The following PHF20 variants were observed in gnomAD, a reference collection of about 807,000 sequenced individuals.
PHF20 encodes PHD finger protein 20.
A neutral mutation model predicts 113.5 loss-of-function variants in PHF20; 23 were observed. That is an observed-to-expected ratio of 0.20 (90% CI 0.15 to 0.29). The LOEUF is 0.29. Ranked by LOEUF, PHF20 falls within the 10% of genes least tolerant of loss-of-function variation. The pLI is 1.00. For missense variants in PHF20, 943 were observed against 1,219.6 expected (o/e 0.77, Z 3.38); for synonymous variants, 434 against 457.3 (o/e 0.95, Z 0.65).
At chr20:35,777,082 T>G (rs950315791) in intron 1 of PHF20, among the ~76,000 whole-genome samples, 5 of 152,186 alleles carry the variant, frequency 3.3e-5, no homozygotes, top group African/African-American at 4.8e-5. Context: ...TTCCATGTCT[T>G]CTTCCAGTTC....
chr20:35,772,181 T>C (rs2041069045), intron 1 of PHF20, 102 bp downstream of exon 1: 1 of 150,674 alleles, frequency 6.6e-6, no homozygotes. Context: ...ACGCCACCGC[T>C]GCTTCGGTCC....
At chr20:35,940,187 G>A (rs566216941) in intron 16 of PHF20, among the ~76,000 whole-genome samples, 1 of 152,240 alleles carries the variant, frequency 6.6e-6, no homozygotes, top group South Asian at 2.1e-4. Context: ...ATTTCAAATG[G>A]ATGAATGAAA....
chr20:35,931,497 G>A, intron 15 of PHF20, 53 bp downstream of exon 15: 3 of 1,409,186 alleles, frequency 2.1e-6, no homozygotes, highest in Non-Finnish European at 2.9e-6. Context: ...TGGTCTGGGG[G>A]CTGAGTAAAT....
chr20:35,864,838 A>G (rs1446267145), intron 6 of PHF20, among the ~76,000 whole-genome samples: 1 of 152,108 alleles, frequency 6.6e-6, no homozygotes, highest in Non-Finnish European at 1.5e-5. Context: ...GATATGCTGT[A>G]AGTGTAAGTA....
At position 35,865,498 on chromosome 20, in the gene PHF20, T is replaced by G. The variant is rs1351136835; in HGVS notation, c.808+2098T>G. ...ATTTAAATTAACTTTTTAAGTTGTGTTTTTTTTTTTTTTTTTTTTTTTTTG... is the reference window on the plus strand; with the variant it reads ...ATTTAAATTAACTTTTTAAGTTGTGGTTTTTTTTTTTTTTTTTTTTTTTTG... On this transcript the variant is annotated intron_variant, in intron 6 of 17. Transcript: ENST00000374012. 5.1e-5 allele frequency among the ~76,000 whole-genome samples: 4 copies of G among 78,390 alleles called. No individual in the cohort carries two copies. In the South Asian group the frequency reaches 1.8e-3, roughly 36 times the overall value. The allele number at this position is 78,390 out of a possible 152,430, so 51.4% of individuals were successfully genotyped here. A position where few individuals can be genotyped will look rare whatever the true frequency, so the allele number is the denominator to read the frequency against.
chr20:35,807,593 T>C (rs1196032019), intron 2 of PHF20, among the ~76,000 whole-genome samples: 5 of 152,090 alleles, frequency 3.3e-5, no homozygotes, highest in Non-Finnish European at 5.9e-5. Flanking sequence ...CCTCAGGTGA[T>C]CTGCTCACCT....
chr20:35,781,303 C>T (rs935435598), intron 1 of PHF20, among the ~76,000 whole-genome samples: 2 of 151,714 alleles, frequency 1.3e-5, no homozygotes, highest in Non-Finnish European at 2.9e-5. Context: ...ACCACCACAT[C>T]CGGCTAATTT....
intron 5 of PHF20, among the ~76,000 whole-genome samples, chr20:35,860,542 C>T (rs1288434519): frequency 6.6e-6 from 1 of 152,140 alleles, no homozygotes; most frequent in Non-Finnish European, 1.5e-5. Flanking sequence ...CATGCCCAGC[C>T]GATTCAAAGG....
intron 17 of PHF20, among the ~76,000 whole-genome samples, chr20:35,944,219 C>T (rs1309051859): frequency 6.6e-6 from 1 of 152,174 alleles, no homozygotes; most frequent in African/African-American, 2.4e-5. Context: ...AGAGGAGATG[C>T]TGTTGACTTC....
chr20:35,893,777 G>A (rs1258143299), intron 9 of PHF20, among the ~76,000 whole-genome samples: 2 of 151,658 alleles, frequency 1.3e-5, no homozygotes, highest in Non-Finnish European at 2.9e-5. Context: ...ACCACGCCCA[G>A]CTAATTTTTT....
intron 2 of PHF20, among the ~76,000 whole-genome samples, chr20:35,820,031 T>G (rs2042140873): frequency 6.6e-6 from 1 of 152,198 alleles, no homozygotes; most frequent in Non-Finnish European, 1.5e-5. Context: ...AGTTTTCCAG[T>G]GCTATGTAGC....
chr20:35,813,135 T>C (rs1909587865), intron 2 of PHF20, among the ~76,000 whole-genome samples: 1 of 151,752 alleles, frequency 6.6e-6, no homozygotes, highest in Admixed American at 6.6e-5. Flanking sequence ...GCCCGGCTAA[T>C]TTTTTTTGTA....
chr20:35,884,563 A>G (rs959278326), intron 9 of PHF20, among the ~76,000 whole-genome samples: 1 of 152,132 alleles, frequency 6.6e-6, no homozygotes, highest in Admixed American at 6.5e-5. Flanking sequence ...CCACTTGAGT[A>G]TTTGTGGCTT....
intron 6 of PHF20, among the ~76,000 whole-genome samples, chr20:35,867,109 T>A (rs1422029122): frequency 1.3e-5 from 2 of 152,136 alleles, no homozygotes; most frequent in Non-Finnish European, 2.9e-5. Flanking sequence ...GAAGAAGACT[T>A]GCCAAGTATC....
intron 13 of PHF20, among the ~76,000 whole-genome samples, chr20:35,920,274 T>C (rs1376313221): frequency 6.6e-6 from 1 of 152,234 alleles, no homozygotes; most frequent in Non-Finnish European, 1.5e-5. Flanking sequence ...TCCTTGAGAT[T>C]CATCCATGTT....
intron 13 of PHF20, among the ~76,000 whole-genome samples, chr20:35,925,934 A>G (rs2055621248): frequency 6.6e-6 from 1 of 151,710 alleles, no homozygotes; most frequent in Non-Finnish European, 1.5e-5. Context: ...CATTCTGGCT[A>G]ACACGGTAAA....
At chr20:35,820,051 T>C (rs2042141560) in intron 2 of PHF20, among the ~76,000 whole-genome samples, 1 of 152,154 alleles carries the variant, frequency 6.6e-6, no homozygotes, top group South Asian at 2.1e-4. Flanking sequence ...CTGTAAATGG[T>C]GAATTTAGGA....
At position 35,947,747 on chromosome 20, in the gene PHF20, T is replaced by C. The variant is rs2056112589; in HGVS notation, c.*120T>C. 2 of 1,089,872 alleles carry C rather than the reference T, an allele frequency of 1.8e-6. No individual in the cohort carries two copies. Among genetic ancestry groups the C allele is most frequent in the Admixed American group, 2.3e-5 (1 of 42,928 alleles). 67.5% of individuals were successfully genotyped at this position (1,089,872 alleles called of 1,614,324 possible). ...ACGTGACACCGACTGACTTCAGGGA[T>C]CTGGGCCAGGAGTGTGGTGGACATT... is the stretch of plus-strand genomic sequence containing the variant. On this transcript the variant is annotated 3_prime_UTR_variant, in exon 18 of 18. Coordinates refer to ENST00000374012, the MANE Select transcript of PHF20 (RefSeq NM_016436.5).
chr20:35,887,913 A>G (rs372542604), intron 9 of PHF20: 12 of 151,390 alleles, frequency 7.9e-5, no homozygotes, highest in African/African-American at 2.2e-4. Context: ...ATTAGGAAAC[A>G]TTTTAGGGTT....
Sources: gnomAD v4.1 joint callset for allele counts (sites outside exome capture counted in the v4.1 genomes callset) on GRCh38, gnomAD v4.1.1 for gene constraint, MANE v1.5 for transcripts, NCBI Gene and HGNC (gene_info 2026-07-23, HGNC 2026-07-21) for gene names.